RAB15: variants seen among roughly 807,000 people sequenced by gnomAD.
RAB15 encodes the protein RAB15, member RAS oncogene family, also known as ras-related protein Rab-15.
Under a neutral mutation model 31.8 loss-of-function variants are expected in RAB15, and 13 were observed. The ratio of observed to expected loss-of-function variants is 0.41; its 90% CI spans 0.27 to 0.65. The LOEUF is 0.65. RAB15 is among the 30% of genes least tolerant of loss of function. RAB15 has a pLI of 0.32. For missense variants in RAB15, 220 were observed against 277.3 expected, an observed-to-expected ratio of 0.79 and a Z score of 1.47; for synonymous variants, 100 against 105.6, an observed-to-expected ratio of 0.95 and a Z score of 0.33.
At chr14:64,969,785 G>A (rs896206248) in intron 1 of RAB15, among the ~76,000 whole-genome samples, 1 of 152,292 alleles carries the variant, frequency 6.6e-6, no homozygotes, top group African/African-American at 2.4e-5. Flanking sequence ...AGGGTTTCAG[G>A]AAGTCCCTGT....
chr14:64,953,896 G>A lies in RAB15; in HGVS notation c.125-1325C>T, dbSNP rs985119650. ...CCGTCTGCCACCAGCTGCACTGCCC[G>A]GCCCAGAAGGCCTGAAGGCACCAGC... is the stretch of plus-strand genomic sequence containing the variant. On this transcript the variant is annotated intron_variant, in intron 1 of 6. Transcript: ENST00000533601. This position sits in a 1 kb window ranked among gnomAD's most constrained non-coding sequence, Gnocchi z 4.6. 17 of 985,222 alleles carry A rather than the reference G, an allele frequency of 1.7e-5. No homozygotes were observed. Among genetic ancestry groups the A allele is most frequent in the Admixed American group, 6.2e-5 (1 of 16,250 alleles). 61.0% of individuals were successfully genotyped at this position (985,222 alleles called of 1,614,324 possible).
In RAB15 at chr14:64,971,682, C is replaced by T. The variant is rs1594960621; in HGVS notation, c.124+271G>A. 7.8e-6 allele frequency: 4 copies of T among 512,962 alleles called. No individual in the cohort carries two copies. Among genetic ancestry groups the T allele is most frequent in the South Asian group, 4.3e-5 (2 of 46,588 alleles). 31.8% of individuals were successfully genotyped at this position (512,962 alleles called of 1,614,324 possible). On this transcript the variant is annotated intron_variant, in intron 1 of 6. Transcript: ENST00000533601. The surrounding 1 kb of genome is among the most constrained non-coding windows in gnomAD (Gnocchi z 4.1). ...CTCGGGGTACCCAGGCCTACACCAG[C>T]TCCCCTCACCCCCGGTTTCTCGGTT...
intron 1 of RAB15, among the ~76,000 whole-genome samples, chr14:64,957,079 A>G (rs1886616835): frequency 6.6e-6 from 1 of 151,574 alleles, no homozygotes; most frequent in Admixed American, 6.6e-5. Flanking sequence ...TGGGACTGCA[A>G]GTGTGCACCA....
rs999894481 is a variant in RAB15 at position 64,947,700 on chromosome 14, C to G, written c.*654G>C. ...CTCGATGCTCCACTTTCGCAGGTCACTGGGGAGGCAGGCCCATGGCACATG... is the reference window on the plus strand; with the variant it reads ...CTCGATGCTCCACTTTCGCAGGTCAGTGGGGAGGCAGGCCCATGGCACATG... On this transcript the variant is annotated 3_prime_UTR_variant, in exon 7 of 7. Transcript: ENST00000533601. This position sits in a 1 kb window ranked among gnomAD's most constrained non-coding sequence, Gnocchi z 5.6. 6.5e-6 allele frequency: 1 copy of G among 152,832 alleles called. No individual in the cohort carries two copies. Among genetic ancestry groups the G allele is most frequent in the Non-Finnish European group, 1.5e-5 (1 of 68,218 alleles). 9.5% of individuals were successfully genotyped at this position (152,832 alleles called of 1,614,324 possible).
intron 1 of RAB15, among the ~76,000 whole-genome samples, chr14:64,964,392 C>T (rs977886703): frequency 6.6e-5 from 10 of 151,070 alleles, no homozygotes; most frequent in Admixed American, 1.3e-4. Flanking sequence ...CGTGGTGGTG[C>T]GTGCCTGTAG....
Position 64,953,867 on chromosome 14 carries a change from C to A in RAB15, c.125-1296G>T. The A allele has an allele frequency of 1.0e-6, 1 of 985,378 alleles. No individual in the cohort carries two copies. Among genetic ancestry groups the A allele is most frequent in the Non-Finnish European group, 1.2e-6 (1 of 829,916 alleles). The allele number at this position is 985,378 out of a possible 1,614,324, so 61.0% of individuals were successfully genotyped here. On this transcript the variant is annotated intron_variant, in intron 1 of 6. Transcript: ENST00000533601. This position sits in a 1 kb window ranked among gnomAD's most constrained non-coding sequence, Gnocchi z 4.6. ...TTCAGATGGGAACATGGTAGAGTTC[C>A]GAACCGTCTGCCACCAGCTGCACTG... is the stretch of plus-strand genomic sequence containing the variant.
rs1416994572 is a variant in RAB15 at position 64,947,269 on chromosome 14, C to G, written c.*1085G>C. On this transcript the variant is annotated 3_prime_UTR_variant, in exon 7 of 7. Coordinates refer to ENST00000533601, the MANE Select transcript of RAB15 (RefSeq NM_001308154.2). The surrounding 1 kb of genome is among the most constrained non-coding windows in gnomAD (Gnocchi z 5.6). ...GCTACATTCCCCTCTGCTGTGCAAA[C>G]TGCTGTCCCTGGCCAGCTCTCCCTT... 2 of 152,626 alleles carry G rather than the reference C, an allele frequency of 1.3e-5. No homozygotes were observed. Among genetic ancestry groups the G allele is most frequent in the Non-Finnish European group, 2.9e-5 (2 of 68,130 alleles). The allele number at this position is 152,626 out of a possible 1,614,324, so 9.5% of individuals were successfully genotyped here. A position where few individuals can be genotyped will look rare whatever the true frequency, so the allele number is the denominator to read the frequency against.
In RAB15 at chr14:64,948,538, T is replaced by G. The variant is rs375588349; in HGVS notation, c.481-26A>C. The G allele has an allele frequency of 3.9e-5, 62 of 1,601,074 alleles. No individual in the cohort carries two copies. The African/African-American group carries it at 7.8e-4, about 20-fold the overall frequency. The stretch of plus-strand genomic sequence containing the variant: ...CTGGAAACCAAAGGGCACAGGTTAG[T>G]CCAGTGTCTCCTCCTCTCCCCTGGC... On this transcript the variant is annotated intron_variant, in intron 6 of 6. Transcript: ENST00000533601. The surrounding 1 kb of genome is among the most constrained non-coding windows in gnomAD (Gnocchi z 7.0).
intron 1 of RAB15, among the ~76,000 whole-genome samples, chr14:64,965,629 A>T (rs1887094879): frequency 6.6e-6 from 1 of 152,160 alleles, no homozygotes; most frequent in Admixed American, 6.5e-5. Flanking sequence ...TTTCACAGGG[A>T]AACTGGTGCA....
chr14:64,967,532 G>A (rs994626197), intron 1 of RAB15, among the ~76,000 whole-genome samples: 11 of 151,892 alleles, frequency 7.2e-5, no homozygotes, highest in African/African-American at 1.2e-4. Flanking sequence ...GCAGTGAGCC[G>A]TGATTGTGCC....
chr14:64,948,204 C>G lies in RAB15; in HGVS notation c.*150G>C. On this transcript the variant is annotated 3_prime_UTR_variant, in exon 7 of 7. Transcript: ENST00000533601. The surrounding 1 kb of genome is among the most constrained non-coding windows in gnomAD (Gnocchi z 7.0). Reference sequence around the variant, plus strand: ...TGCTTGAGATGACAGCAGAGCCGCTCTCAGGGCCAGGCAGGGGGAGTAGTG... The same window carrying G: ...TGCTTGAGATGACAGCAGAGCCGCTGTCAGGGCCAGGCAGGGGGAGTAGTG... The G allele has an allele frequency of 1.2e-6, 1 of 826,816 alleles. No homozygotes were observed. The highest frequency in any genetic ancestry group is 1.8e-6 in the Non-Finnish European group (1 of 564,326). The allele number at this position is 826,816 out of a possible 1,614,324, so 51.2% of individuals were successfully genotyped here. A position where few individuals can be genotyped will look rare whatever the true frequency, so the allele number is the denominator to read the frequency against.
In RAB15 at chr14:64,953,098, C is replaced by T. The variant is rs1035868273; in HGVS notation, c.125-527G>A. Among the ~76,000 whole-genome samples the T allele has an allele frequency of 6.6e-6, 1 of 152,188 alleles. No individual in the cohort carries two copies. Among genetic ancestry groups the T allele is most frequent in the Admixed American group, 6.5e-5 (1 of 15,282 alleles). On this transcript the variant is annotated intron_variant, in intron 1 of 6. Transcript: ENST00000533601. The surrounding 1 kb of genome is among the most constrained non-coding windows in gnomAD (Gnocchi z 4.6). ...CCCATGATTGTACCTGAAGCCTCAG[C>T]ACCCAGCCAAGGCTCACCAAAAAGA...
rs1407700212 is a variant in RAB15 at position 64,951,248 on chromosome 14, C to A, written c.247-97G>T. The A allele has an allele frequency of 5.4e-6, 5 of 930,516 alleles. No homozygotes were observed. Among genetic ancestry groups the A allele is most frequent in the Admixed American group, 2.1e-5 (1 of 48,540 alleles). The allele number at this position is 930,516 out of a possible 1,614,324, so 57.6% of individuals were successfully genotyped here. On this transcript the variant is annotated intron_variant, in intron 3 of 6. Transcript: ENST00000533601. The surrounding 1 kb of genome is among the most constrained non-coding windows in gnomAD (Gnocchi z 7.2). ...GGAAACTTAAAGGTTGGGTCCCACT[C>A]TCCCATTCTCCCTGCTCAGCATCCA...
At chr14:64,957,519 G>A (rs962042597) in intron 1 of RAB15, among the ~76,000 whole-genome samples, 7 of 152,136 alleles carry the variant, frequency 4.6e-5, no homozygotes, top group Admixed American at 1.3e-4. Flanking sequence ...CTCAGGACTC[G>A]CCCAGCCCTA....
chr14:64,965,477 T>C (rs1488500336), intron 1 of RAB15, among the ~76,000 whole-genome samples: 1 of 151,894 alleles, frequency 6.6e-6, no homozygotes, highest in East Asian at 1.9e-4. Context: ...TAAAATAAAA[T>C]AAAACAGGGC....
chr14:64,945,856 A>G lies in RAB15; in HGVS notation c.*2498T>C, dbSNP rs2139954993. ...TTTATTTTGTAAACATCTGTGTTTA[A>G]AATAGATGAACCCTGCTCACAATTC... On this transcript the variant is annotated 3_prime_UTR_variant, in exon 7 of 7. Coordinates refer to ENST00000533601, the MANE Select transcript of RAB15 (RefSeq NM_001308154.2). The G allele has an allele frequency of 6.5e-6, 1 of 152,772 alleles. No individual in the cohort carries two copies. Among genetic ancestry groups the G allele is most frequent in the East Asian group, 1.9e-4 (1 of 5,186 alleles). 9.5% of individuals were successfully genotyped at this position (152,772 alleles called of 1,614,324 possible). A position where few individuals can be genotyped will look rare whatever the true frequency, so the allele number is the denominator to read the frequency against.
rs1450621908 is a variant in RAB15 at position 64,952,727 on chromosome 14, A to G, written c.125-156T>C. On this transcript the variant is annotated intron_variant, in intron 1 of 6. Transcript: ENST00000533601. This position sits in a 1 kb window ranked among gnomAD's most constrained non-coding sequence, Gnocchi z 4.2. ...CCTTCTTTAAGCAGAAACTGACCTTAAGGAAGTATCTGAAGCTTTGAAAGG... is the reference window on the plus strand; with the variant it reads ...CCTTCTTTAAGCAGAAACTGACCTTGAGGAAGTATCTGAAGCTTTGAAAGG... Among the ~76,000 whole-genome samples, 1 of 152,328 alleles carries G rather than the reference A, an allele frequency of 6.6e-6. No homozygotes were observed. The highest frequency in any genetic ancestry group is 2.1e-4 in the South Asian group (1 of 4,824).
intron 5 of RAB15, among the ~76,000 whole-genome samples, chr14:64,949,204 C>T (rs1458132561): frequency 6.6e-6 from 1 of 152,200 alleles, no homozygotes; most frequent in Non-Finnish European, 1.5e-5. Flanking sequence ...TCAGTGGGGT[C>T]GTGCACTTAA....
Position 64,955,188 on chromosome 14 carries a change from T to C in RAB15, c.125-2617A>G, listed in dbSNP as rs966924902. Among the ~76,000 whole-genome samples the C allele has an allele frequency of 6.6e-6, 1 of 152,190 alleles. No individual in the cohort carries two copies. Among genetic ancestry groups the C allele is most frequent in the Non-Finnish European group, 1.5e-5 (1 of 68,038 alleles). ...GCTATTCATATGCATTCACATATGA[T>C]GGAAGAAACAGAGTAAGTCTATGTC... On this transcript the variant is annotated intron_variant, in intron 1 of 6. Coordinates refer to ENST00000533601, the MANE Select transcript of RAB15 (RefSeq NM_001308154.2). This position sits in a 1 kb window ranked among gnomAD's most constrained non-coding sequence, Gnocchi z 4.4.
Sources: allele counts gnomAD v4.1 joint callset (sites outside exome capture counted in the v4.1 genomes callset), GRCh38; gene constraint gnomAD v4.1.1; non-coding constraint Gnocchi (gnomAD v3.1); transcripts MANE v1.5; gene names NCBI Gene and HGNC (gene_info 2026-07-23, HGNC 2026-07-21).